SORL1: variants seen among roughly 807,000 people sequenced by gnomAD.
SORL1 encodes the protein sortilin-related receptor.
A neutral mutation model predicts 273.7 loss-of-function variants in SORL1; 127 were observed. That is an observed-to-expected ratio of 0.46 (90% CI 0.40 to 0.54). The LOEUF is 0.54. Among genes scored for constraint, SORL1 ranks in the 20% least tolerant of loss-of-function variants. SORL1 has a pLI of 0.00. For synonymous variants in SORL1, 1,031 were observed against 1,067.4 expected, an observed-to-expected ratio of 0.97 and a Z score of 0.66; for missense variants, 2,494 against 2,846.1, an observed-to-expected ratio of 0.88 and a Z score of 2.81.
At chr11:121,496,075 A>T (rs1443041457) in intron 5 of SORL1, among the ~76,000 whole-genome samples, 1 of 152,228 alleles carries the variant, frequency 6.6e-6, no homozygotes, top group Non-Finnish European at 1.5e-5. Flanking sequence ...TTGGAATTGG[A>T]TGCTGCAGAG....
At chr11:121,515,504 T>C in intron 8 of SORL1, among the ~76,000 whole-genome samples, 1 of 152,034 alleles carries the variant, frequency 6.6e-6, no homozygotes, top group East Asian at 1.9e-4. Context: ...ACTGGTGTTT[T>C]AGGAGCAGGG....
At chr11:121,588,576 C>T (rs1177428970) in intron 28 of SORL1, among the ~76,000 whole-genome samples, 3 of 152,174 alleles carry the variant, frequency 2.0e-5, no homozygotes, top group Admixed American at 6.5e-5. Flanking sequence ...ATTTTGCTGC[C>T]TGAGCTTTAC....
At chr11:121,571,332 G>A (rs1452167203) in intron 23 of SORL1, among the ~76,000 whole-genome samples, 2 of 152,272 alleles carry the variant, frequency 1.3e-5, no homozygotes, top group African/African-American at 4.8e-5. Context: ...ATGGAGAATG[G>A]GCATGGGCAC....
rs768016148 is a variant in SORL1 at position 121,478,207 on chromosome 11, C to T, written c.492C>T (p.Ile164=). The T allele has an allele frequency of 9.9e-6, 16 of 1,613,990 alleles. No individual in the cohort carries two copies. Among genetic ancestry groups the T allele is most frequent in the South Asian group, 8.8e-5 (8 of 91,088 alleles). ...TGGGAAATAGGAGTGAAGCTGTTAT[C>T]GCCCAGTTCTACCACAGCCCTGCGG... is the stretch of plus-strand genomic sequence containing the variant. ...FGLGNRSEAV[I]AQFYHSPADN... Residue 164 remains isoleucine, a synonymous_variant, in exon 3 of 48, where the codon ATC becomes ATT. Transcript: ENST00000260197.
intron 4 of SORL1, among the ~76,000 whole-genome samples, chr11:121,489,553 T>A (rs1320095184): frequency 6.6e-6 from 1 of 152,232 alleles, no homozygotes; most frequent in Non-Finnish European, 1.5e-5. Context: ...ATGTGTCAAT[T>A]TTTTTCTTTT....
At chr11:121,463,539 G>C (rs574594759) in intron 1 of SORL1, among the ~76,000 whole-genome samples, 3 of 152,164 alleles carry the variant, frequency 2.0e-5, no homozygotes, top group Non-Finnish European at 4.4e-5. Flanking sequence ...GAAAGGAAAG[G>C]GCATATGTGT....
At chr11:121,588,174 G>C in intron 28 of SORL1, 23 bp downstream of exon 28, 1 of 1,610,896 alleles carries the variant, frequency 6.2e-7, no homozygotes. Flanking sequence ...AGGCAGGGGA[G>C]GTGACTCACG....
chr11:121,575,482 C>T (rs1400375483), intron 24 of SORL1, among the ~76,000 whole-genome samples: 4 of 152,248 alleles, frequency 2.6e-5, no homozygotes, highest in African/African-American at 7.2e-5. Context: ...GGTCCAGCCA[C>T]GCTGTGCTTA....
intron 21 of SORL1, among the ~76,000 whole-genome samples, chr11:121,566,166 C>A (rs969187695): frequency 1.1e-4 from 17 of 152,086 alleles, no homozygotes; most frequent in African/African-American, 3.6e-4. Context: ...AATAAAGGAG[C>A]CCAAAGATGA....
intron 1 of SORL1, among the ~76,000 whole-genome samples, chr11:121,464,673 A>G (rs1861055799): frequency 6.6e-6 from 1 of 152,178 alleles, no homozygotes; most frequent in Admixed American, 6.5e-5. Flanking sequence ...TTGTTCGATG[A>G]AGATGCCGAG....
chr11:121,583,139 A>G (rs1356995331), intron 25 of SORL1, among the ~76,000 whole-genome samples: 1 of 152,128 alleles, frequency 6.6e-6, no homozygotes, highest in African/African-American at 2.4e-5. Context: ...TATTCTCTCT[A>G]AGCCTGTTCT....
At chr11:121,517,870 A>G (rs1311929857) in intron 8 of SORL1, among the ~76,000 whole-genome samples, 2 of 152,240 alleles carry the variant, frequency 1.3e-5, no homozygotes, top group African/African-American at 4.8e-5. Flanking sequence ...GTGAAATGGG[A>G]TAAAGGTGAA....
intron 14 of SORL1, among the ~76,000 whole-genome samples, chr11:121,548,103 C>G (rs899140987): frequency 6.6e-6 from 1 of 152,190 alleles, no homozygotes; most frequent in African/African-American, 2.4e-5. Flanking sequence ...TGACCCTGTA[C>G]TTACATATGT....
intron 1 of SORL1, among the ~76,000 whole-genome samples, chr11:121,460,465 G>A (rs1397867497): frequency 7.1e-5 from 10 of 141,746 alleles, no homozygotes; most frequent in Admixed American, 5.4e-4. Flanking sequence ...GCTCTATCTC[G>A]GCTCACTGCA....
chr11:121,630,542 G>A lies in SORL1; in HGVS notation c.*979G>A, dbSNP rs529889029. ...TGAAGGATCTCAGATGTAAAATTAT[G>A]TATTTGGTTTGAGATGGCCACTTAT... On this transcript the variant is annotated 3_prime_UTR_variant, in exon 48 of 48. Transcript: ENST00000260197. 1.3e-5 allele frequency: 2 copies of A among 152,230 alleles called. No individual in the cohort carries two copies. Among genetic ancestry groups the A allele is most frequent in the African/African-American group, 2.4e-5 (1 of 41,528 alleles). The allele number at this position is 152,230 out of a possible 1,614,324, so 9.4% of individuals were successfully genotyped here.
At chr11:121,605,303 A>G in intron 34 of SORL1, 64 bp downstream of exon 34, 1 of 1,584,748 alleles carries the variant, frequency 6.3e-7, no homozygotes, top group Middle Eastern at 1.7e-4. Context: ...ATGTTCTGTA[A>G]ACTCTCTAGT....
chr11:121,586,137 C>A, intron 26 of SORL1, 85 bp from the exon 27 acceptor site: 2 of 1,032,646 alleles, frequency 1.9e-6, no homozygotes, highest in Non-Finnish European at 3.1e-6. Flanking sequence ...GTGGTGGTAC[C>A]AGTGTGTACT....
At chr11:121,588,653 C>G (rs927994027) in intron 28 of SORL1, among the ~76,000 whole-genome samples, 2 of 152,156 alleles carry the variant, frequency 1.3e-5, no homozygotes, top group Admixed American at 6.5e-5. Context: ...CTTGGAGCAG[C>G]TCTTATATTT....
chr11:121,620,844 G>A (rs148715967), intron 43 of SORL1, among the ~76,000 whole-genome samples: 6 of 152,304 alleles, frequency 3.9e-5, no homozygotes, highest in African/African-American at 1.4e-4. Context: ...AAAAATTTTA[G>A]TTGATAACTC....
Sources: gnomAD v4.1 joint callset for allele counts (sites outside exome capture counted in the v4.1 genomes callset) on GRCh38, gnomAD v4.1.1 for gene constraint, MANE v1.5 for transcripts, NCBI Gene and HGNC (gene_info 2026-07-23, HGNC 2026-07-21) for gene names.